The following ZFR2 variants were observed in gnomAD, a reference collection of about 807,000 sequenced individuals.
The protein encoded by ZFR2 is zinc finger RNA binding protein 2.
ZFR2 carries 104 observed loss-of-function variants against 105.7 expected under a neutral mutation model. The ratio of observed to expected loss-of-function variants is 0.98; its 90% CI spans 0.84 to 1.16. The LOEUF is 1.16. Ranked by LOEUF, ZFR2 falls within the 50% of genes most tolerant of loss-of-function variation. ZFR2 has a pLI of 0.00. For missense variants in ZFR2, 1,425 were observed against 1,355.5 expected (o/e 1.05, Z -0.80); for synonymous variants, 634 against 597.7 (o/e 1.06, Z -0.89).
In ZFR2 at chr19:3,838,896, G is replaced by A. The variant is rs536497058; in HGVS notation, c.54-3913C>T. On this transcript the variant is annotated intron_variant, in intron 1 of 18. Coordinates refer to ENST00000262961, the MANE Select transcript of ZFR2 (RefSeq NM_015174.2). The surrounding 1 kb of genome is among the most constrained non-coding windows in gnomAD (Gnocchi z 4.9). ...CTGCCCAGCTGTCTCCCGGGGCCGC[G>A]GCACGTGGCATGCAGCAGGGGCTCC... is the stretch of plus-strand genomic sequence containing the variant. Among the ~76,000 whole-genome samples, 8 of 152,264 alleles carry A rather than the reference G, an allele frequency of 5.3e-5. No homozygotes were observed. Among genetic ancestry groups the A allele is most frequent in the East Asian group, 3.9e-4 (2 of 5,172 alleles).
In ZFR2 at chr19:3,858,468, T is replaced by A. The variant is rs1401531017; in HGVS notation, c.53+10497A>T. On this transcript the variant is annotated intron_variant, in intron 1 of 18. Transcript: ENST00000262961. This position sits in a 1 kb window ranked among gnomAD's most constrained non-coding sequence, Gnocchi z 4.3. ...TTTAGAGTCCAAGGAAAAACTCAAG[T>A]GGAAATAAAGATTTTCCTGGAATCA... Among the ~76,000 whole-genome samples the A allele has an allele frequency of 2.0e-5, 3 of 152,198 alleles. No homozygotes were observed. Among genetic ancestry groups the A allele is most frequent in the Non-Finnish European group, 2.9e-5 (2 of 68,036 alleles).
chr19:3,827,649 T>G lies in ZFR2; in HGVS notation c.857A>C (p.Tyr286Ser), dbSNP rs200884396. The change falls in exon 6 of 19, where the codon TAC (tyrosine) becomes TCC (serine). Residue 286 changes from tyrosine (Y) to serine (S), a missense_variant. By Grantham distance (144) the Tyr-to-Ser change is moderately radical (BLOSUM62 -2). Coordinates refer to ENST00000262961, the MANE Select transcript of ZFR2 (RefSeq NM_015174.2). ...CTTCTGCCCTCCCAGATGTTCCCGG[T>G]AGGTCTGCGGCAAGGGGTGAGAGGC... ...CKISCAGPQT[Y>S]REHLGGQKHR... The G allele has an allele frequency of 1.9e-6, 3 of 1,577,896 alleles. No individual in the cohort carries two copies. The South Asian group carries it at 3.5e-5, about 18-fold the overall frequency.
At chr19:3,856,008 C>T (rs1030742674) in intron 1 of ZFR2, among the ~76,000 whole-genome samples, 11 of 152,068 alleles carry the variant, frequency 7.2e-5, no homozygotes, top group Non-Finnish European at 1.5e-4. Context: ...GCCTCTTTGG[C>T]GCTGTGCGCG....
chr19:3,836,673 C>T (rs2145166535), intron 1 of ZFR2, among the ~76,000 whole-genome samples: 1 of 152,254 alleles, frequency 6.6e-6, no homozygotes, highest in Middle Eastern at 3.4e-3. Context: ...GGCCTTTGTC[C>T]ACATGGCCTC....
rs753465982 is a variant in ZFR2, at chr19:3,816,734, G to A, written c.2043C>T (p.Ser681=). ...DRNVRLALLC[S]EKPTHSLLRR... ...GCAGCAGGCTGTGCGTGGGCTTCTC[G>A]GAGCAGAGCAGAGCGAGGCGCACGT... Residue 681 remains serine, a synonymous_variant, in exon 13 of 19, where the codon TCC becomes TCT. Coordinates refer to ENST00000262961, the MANE Select transcript of ZFR2 (RefSeq NM_015174.2). The A allele has an allele frequency of 3.9e-5, 63 of 1,612,472 alleles. No individual in the cohort carries two copies. The highest frequency in any genetic ancestry group is 1.6e-4 in the Middle Eastern group (1 of 6,068).
At chr19:3,849,349 G>A (rs2038213482) in intron 1 of ZFR2, among the ~76,000 whole-genome samples, 1 of 152,242 alleles carries the variant, frequency 6.6e-6, no homozygotes, top group Non-Finnish European at 1.5e-5. Flanking sequence ...CAGTGGAGGC[G>A]GCTGGTTGGT....
rs758366460 is a variant in ZFR2 at position 3,816,745 on chromosome 19, G to T, written c.2032C>A (p.Leu678Met). 7.4e-6 allele frequency: 12 copies of T among 1,612,480 alleles called. No homozygotes were observed. In the East Asian group the frequency reaches 8.9e-5, roughly 12 times the overall value. The change falls in exon 13 of 19, where the codon CTG (leucine) becomes ATG (methionine). Residue 678 changes from leucine (L) to methionine (M), a missense_variant. Physicochemically the swap from Leu to Met is conservative, Grantham distance 15. Transcript: ENST00000262961. ...TGCGTGGGCTTCTCGGAGCAGAGCA[G>T]AGCGAGGCGCACGTTCCTGTCCCCA... ...LRGDRNVRLALLCSEKPTHSL... is the reference protein window; with the variant it reads ...LRGDRNVRLAMLCSEKPTHSL...
intron 1 of ZFR2, among the ~76,000 whole-genome samples, chr19:3,851,367 C>A (rs1426158735): frequency 1.3e-5 from 2 of 152,146 alleles, no homozygotes; most frequent in Non-Finnish European, 2.9e-5. Flanking sequence ...GTGACTGTGA[C>A]CACACAGTGA....
rs2037920839 is a variant in ZFR2, at chr19:3,823,746, G to A, written c.1214-343C>T. Among the ~76,000 whole-genome samples, 1 of 152,160 alleles carries A rather than the reference G, an allele frequency of 6.6e-6. No homozygotes were observed. Among genetic ancestry groups the A allele is most frequent in the African/African-American group, 2.4e-5 (1 of 41,434 alleles). On this transcript the variant is annotated intron_variant, in intron 7 of 18. Transcript: ENST00000262961. This position sits in a 1 kb window ranked among gnomAD's most constrained non-coding sequence, Gnocchi z 5.4. ...CTCGCACTTAACCTACCCCCGTTAG[G>A]CGAAATGATGGAGCCTCGGGGGGAG...
intron 1 of ZFR2, among the ~76,000 whole-genome samples, chr19:3,843,425 C>T (rs1424426298): frequency 3.9e-5 from 6 of 152,028 alleles, no homozygotes; most frequent in African/African-American, 7.2e-5. Context: ...GAGTTGAGAT[C>T]GCGCCACTGC....
At position 3,849,029 on chromosome 19, in the gene ZFR2, C is replaced by T. The variant is rs149167718; in HGVS notation, c.54-14046G>A. 3.2e-3 allele frequency among the ~76,000 whole-genome samples: 480 copies of T among 150,846 alleles called. 8 individuals are homozygous for T. Among genetic ancestry groups the T allele is most frequent in the African/African-American group, 0.011 (459 of 40,822 alleles). Reference sequence around the variant, plus strand: ...AAAACAAAACAAAACAAAAACCAAACAAACAAAAACACAAAGCGTTCAGTA... The same window carrying T: ...AAAACAAAACAAAACAAAAACCAAATAAACAAAAACACAAAGCGTTCAGTA... On this transcript the variant is annotated intron_variant, in intron 1 of 18. Transcript: ENST00000262961.
At chr19:3,814,045 A>G (rs1287064978) in intron 13 of ZFR2, 87 bp from the exon 14 acceptor site, 1 of 1,557,050 alleles carries the variant, frequency 6.4e-7, no homozygotes, top group Non-Finnish European at 8.7e-7. Context: ...GTGTGTGTAA[A>G]TTAATCCCGT....
intron 1 of ZFR2, among the ~76,000 whole-genome samples, chr19:3,847,674 A>C (rs748937618): frequency 2.6e-5 from 4 of 152,224 alleles, no homozygotes; most frequent in African/African-American, 4.8e-5. Context: ...CTTTTGAAGG[A>C]AGGCATAGGG....
intron 5 of ZFR2, among the ~76,000 whole-genome samples, chr19:3,828,591 G>A (rs1219747288): frequency 2.0e-5 from 3 of 152,192 alleles, no homozygotes; most frequent in South Asian, 2.1e-4. Flanking sequence ...GGAAGCCACC[G>A]TGAGTCACAG....
At position 3,827,533 on chromosome 19, in the gene ZFR2, C is replaced by A; in HGVS notation, c.973G>T (p.Ala325Ser). ...GCGTCCGCCCCGGTGCAGGACACGG[C>A]GCACAGGTCGCAATGCAGCTGCGCC... Reference protein sequence around the residue: ...VQAQLHCDLCAVSCTGADAYA... With the variant: ...VQAQLHCDLCSVSCTGADAYA... Residue 325 changes from alanine to serine, a missense_variant, in exon 6 of 19, where the codon GCC (alanine) becomes TCC (serine). By Grantham distance (99) the Ala-to-Ser change is moderately conservative. Coordinates refer to ENST00000262961, the MANE Select transcript of ZFR2 (RefSeq NM_015174.2). The A allele has an allele frequency of 6.4e-7, 1 of 1,560,166 alleles. No individual in the cohort carries two copies. Among genetic ancestry groups the A allele is most frequent in the Non-Finnish European group, 8.7e-7 (1 of 1,152,860 alleles).
chr19:3,820,265 C>T lies in ZFR2; in HGVS notation c.1657G>A (p.Asp553Asn). 6.5e-7 allele frequency: 1 copy of T among 1,546,960 alleles called. No homozygotes were observed. The highest frequency in any genetic ancestry group is 8.7e-7 in the Non-Finnish European group (1 of 1,146,274). Residue 553 changes from aspartate (D) to asparagine (N), a missense_variant, in exon 11 of 19, where the codon GAC becomes AAC. Asp to Asn is a conservative substitution (Grantham distance 23). Coordinates refer to ENST00000262961, the MANE Select transcript of ZFR2 (RefSeq NM_015174.2). ...RRRLEEEPPQ[D>N]VPPHAPPDWA... ...TCGGGCGGCGCGTGGGGCGGCACGT[C>T]CTGGGGTGGCTCCTCCTCCAGCCGC...
intron 1 of ZFR2, among the ~76,000 whole-genome samples, chr19:3,861,481 C>A (rs1412612124): frequency 2.0e-5 from 3 of 151,194 alleles, no homozygotes; most frequent in Non-Finnish European, 2.9e-5. Context: ...CAACATTTAG[C>A]CTGGTGTGGT....
chr19:3,811,360 T>C lies in ZFR2; in HGVS notation c.2249A>G (p.Glu750Gly), dbSNP rs1333709108. 3 of 1,591,324 alleles carry C rather than the reference T, an allele frequency of 1.9e-6. No homozygotes were observed. Among genetic ancestry groups the C allele is most frequent in the African/African-American group, 1.3e-5 (1 of 74,376 alleles). The change falls in exon 15 of 19, where the codon GAG becomes GGG. Residue 750 changes from glutamate to glycine, a missense_variant. Physicochemically the swap from Glu to Gly is moderately conservative, Grantham distance 98. Coordinates refer to ENST00000262961, the MANE Select transcript of ZFR2 (RefSeq NM_015174.2). Reference sequence around the variant, plus strand: ...ATCACCTGCATCAGCCTGAGGCTCCTCCACACCTTCTAGAAGAAAAACCTC... The same window carrying C: ...ATCACCTGCATCAGCCTGAGGCTCCCCCACACCTTCTAGAAGAAAAACCTC... ...REDPSTDPGV[E>G]EPQADAGDVL...
At chr19:3,815,433 A>G (rs560425624) in intron 13 of ZFR2, among the ~76,000 whole-genome samples, 1 of 152,186 alleles carries the variant, frequency 6.6e-6, no homozygotes, top group Non-Finnish European at 1.5e-5. Flanking sequence ...TAAATTCTTC[A>G]GTATGAGAAG....
Sources: allele counts gnomAD v4.1 joint callset (sites outside exome capture counted in the v4.1 genomes callset), GRCh38; gene constraint gnomAD v4.1.1; non-coding constraint Gnocchi (gnomAD v3.1); transcripts MANE v1.5; gene names NCBI Gene and HGNC (gene_info 2026-07-23, HGNC 2026-07-21).